The following GFRA2 variants were observed in gnomAD, a reference collection of about 807,000 sequenced individuals.
GFRA2 encodes GDNF family receptor alpha 2, also known as GDNF family receptor alpha-2.
A neutral mutation model predicts 48.3 loss-of-function variants in GFRA2; 17 were observed. The ratio of observed to expected loss-of-function variants is 0.35; its 90% confidence interval spans 0.24 to 0.53. The LOEUF is 0.53. Among genes scored for constraint, GFRA2 ranks in the 20% least tolerant of loss-of-function variants. The pLI, the probability that GFRA2 is intolerant of heterozygous loss-of-function variation, is 0.93. For missense variants in GFRA2, 660 were observed against 637.3 expected (o/e 1.04, Z -0.38); for synonymous variants, 305 against 257.2 (o/e 1.19, Z -1.78).
rs184033921 is a variant in GFRA2 at position 21,727,805 on chromosome 8, A to G, written c.795-21764T>C. Among the ~76,000 whole-genome samples, 199 of 152,326 alleles carry G rather than the reference A, an allele frequency of 1.3e-3. 3 individuals are homozygous for G. In the East Asian group the frequency reaches 0.024, roughly 18 times the overall value. On this transcript the variant is annotated intron_variant, in intron 4 of 8. Coordinates refer to ENST00000524240, the MANE Select transcript of GFRA2 (RefSeq NM_001495.5). ...CCGCAATGACAGCCCATGTCCAGGG[A>G]CTGTCTGGATTCACGGAAAATACTT...
intron 8 of GFRA2, among the ~76,000 whole-genome samples, chr8:21,694,077 T>TTATATATATATATATATATATATA (rs1161900689): frequency 9.1e-6 from 1 of 109,294 alleles, no homozygotes; most frequent in Non-Finnish European, 2.0e-5. Flanking sequence ...TTATTTATTT[T>TTATATATATATATATATATATATA]TATATATATA....
rs984825726 is a variant in GFRA2, at chr8:21,802,298, C to G, written c.-36+2719G>C. Among the ~76,000 whole-genome samples, 21 of 152,304 alleles carry G rather than the reference C, an allele frequency of 1.4e-4. No individual in the cohort carries two copies. In the South Asian group the frequency reaches 3.7e-3, roughly 27 times the overall value. ...CATGACTGGTGACTCACTCCACCAGCCTTAAAGCACCTACTATGTTCCAGG... is the reference window on the plus strand; with the variant it reads ...CATGACTGGTGACTCACTCCACCAGGCTTAAAGCACCTACTATGTTCCAGG... On this transcript the variant is annotated intron_variant, in intron 2 of 10. Coordinates refer to the GFRA2 transcript ENST00000517328.
chr8:21,732,132 G>A (rs1258807215), intron 4 of GFRA2, among the ~76,000 whole-genome samples: 1 of 152,280 alleles, frequency 6.6e-6, no homozygotes, highest in Non-Finnish European at 1.5e-5. Flanking sequence ...GAACATGGTA[G>A]ACAAGGAAGC....
At position 21,705,941 on chromosome 8, in the gene GFRA2, C is replaced by T; in HGVS notation, c.895G>A (p.Gly299Ser). The T allele has an allele frequency of 6.4e-7, 1 of 1,558,550 alleles. No homozygotes were observed. Among genetic ancestry groups the T allele is most frequent in the Non-Finnish European group, 8.7e-7 (1 of 1,149,434 alleles). ...AGCAGGAAGAGCTTACCAATCATGC[C>T]AGCATAAGAGCCCAGACACGCCTGG... ...NYQACLGSYA[G>S]MIGFDMTPNY... is the part of the protein sequence containing the mutation. The change falls in exon 5 of 9, where the codon GGC becomes AGC. Residue 299 changes from glycine to serine, a missense_variant. Physicochemically the swap from Gly to Ser is moderately conservative, Grantham distance 56 (BLOSUM62 0). Transcript: ENST00000524240.
At chr8:21,752,458 AC>A (rs1290189626) in intron 3 of GFRA2, among the ~76,000 whole-genome samples, 1 of 151,240 alleles carries the variant, frequency 6.6e-6, no homozygotes, top group African/African-American at 2.4e-5. Context: ...GCTCCCTGCC[AC>A]CTCCCCACAG....
chr8:21,699,850 AC>A (rs1198854233), intron 7 of GFRA2, among the ~76,000 whole-genome samples: 1 of 152,062 alleles, frequency 6.6e-6, no homozygotes, highest in Admixed American at 6.5e-5. Flanking sequence ...TGAACAAAGC[AC>A]CCACTCCATG....
upstream of GFRA2, among the ~76,000 whole-genome samples, chr8:21,789,590 AT>A (rs1807478759): frequency 3.3e-5 from 5 of 152,124 alleles, no homozygotes; most frequent in South Asian, 1.0e-3. Context: ...GAAAGGAATT[AT>A]CCCCTTCGGC....
At position 21,753,007 on chromosome 8, in the gene GFRA2, C is replaced by A. The variant is rs117154573; in HGVS notation, c.440-2065G>T. On this transcript the variant is annotated intron_variant, in intron 3 of 8. Transcript: ENST00000524240. ...TCCTGCTTTGCCCTGTGCCCCCATA[C>A]CCCACCCCATGACAATCTTCTCTCA... Among the ~76,000 whole-genome samples the A allele has an allele frequency of 7.2e-5, 11 of 152,256 alleles. No homozygotes were observed. The East Asian group carries it at 2.1e-3, about 29-fold the overall frequency.
At chr8:21,780,976 A>G (rs1055542439) in intron 2 of GFRA2, 1 of 152,128 alleles carries the variant, frequency 6.6e-6, no homozygotes. Flanking sequence ...ATATTTAAAA[A>G]TTAGCTGGGT....
rs771567502 is a variant in GFRA2 at position 21,694,548 on chromosome 8, G to C, written c.1219-31C>G. ...AGAGAGAAGGTGCCAGTCAGGACGA[G>C]TCACCAGGCTGTTCCTGGCTGGGCT... On this transcript the variant is annotated intron_variant, in intron 7 of 8. Coordinates refer to ENST00000524240, the MANE Select transcript of GFRA2 (RefSeq NM_001495.5). 1.9e-6 allele frequency: 3 copies of C among 1,598,956 alleles called. No homozygotes were observed. In the Admixed American group the frequency reaches 5.1e-5, roughly 27 times the overall value.
intron 1 of GFRA2, among the ~76,000 whole-genome samples, chr8:21,808,907 A>G (rs1371240332): frequency 6.6e-6 from 1 of 152,266 alleles, no homozygotes; most frequent in Non-Finnish European, 1.5e-5. Flanking sequence ...TTACAGTACA[A>G]TTGCAAAGTG....
intron 4 of GFRA2, among the ~76,000 whole-genome samples, chr8:21,742,123 G>T (rs1290893941): frequency 6.6e-6 from 1 of 152,128 alleles, no homozygotes; most frequent in Non-Finnish European, 1.5e-5. Context: ...AGCCAAACAG[G>T]CTTGATGGAG....
intron 1 of GFRA2, among the ~76,000 whole-genome samples, chr8:21,783,599 C>T (rs1246811133): frequency 1.3e-5 from 2 of 152,004 alleles, no homozygotes; most frequent in East Asian, 1.9e-4. Flanking sequence ...ACCGTCCAGG[C>T]GAGCCCAGGA....
intron 2 of GFRA2, among the ~76,000 whole-genome samples, chr8:21,796,609 C>A (rs1050759169): frequency 6.6e-6 from 1 of 152,074 alleles, no homozygotes; most frequent in Non-Finnish European, 1.5e-5. Context: ...AGAGTTTGGC[C>A]AGATGAGCAC....
intron 4 of GFRA2, among the ~76,000 whole-genome samples, chr8:21,726,897 C>T (rs1477818984): frequency 2.0e-5 from 3 of 151,784 alleles, no homozygotes; most frequent in South Asian, 2.1e-4. Flanking sequence ...GGACTACAAG[C>T]GCGCACCACC....
In GFRA2 at chr8:21,782,676, G is replaced by T; in HGVS notation, c.264C>A (p.Ser88Arg). 1.3e-6 allele frequency: 2 copies of T among 1,588,664 alleles called. No homozygotes were observed. Among genetic ancestry groups the T allele is most frequent in the Non-Finnish European group, 8.6e-7 (1 of 1,168,188 alleles). Residue 88 changes from serine (S) to arginine (R), a missense_variant, in exon 2 of 9, where the codon AGC becomes AGA. Physicochemically the swap from Ser to Arg is moderately radical, Grantham distance 110. Coordinates refer to ENST00000524240, the MANE Select transcript of GFRA2 (RefSeq NM_001495.5). ...GCTTGCAGCGGCAGTCGTACAGCGG[G>T]CTCTCCTGCAAGACCTCCAAGGCCG... ...CQAALEVLQE[S>R]PLYDCRCKRG...
At chr8:21,726,423 A>C (rs920839596) in intron 4 of GFRA2, among the ~76,000 whole-genome samples, 2 of 152,220 alleles carry the variant, frequency 1.3e-5, no homozygotes, top group African/African-American at 4.8e-5. Context: ...CAGCTGTAAC[A>C]AATTACCACA....
intron 3 of GFRA2, among the ~76,000 whole-genome samples, chr8:21,751,865 A>G (rs970923456): frequency 6.6e-6 from 1 of 152,166 alleles, no homozygotes; most frequent in East Asian, 1.9e-4. Context: ...TAAAAGCGCA[A>G]GAGGAGGGCC....
At chr8:21,799,462 C>T (rs1482560663) in intron 2 of GFRA2, among the ~76,000 whole-genome samples, 1 of 152,148 alleles carries the variant, frequency 6.6e-6, no homozygotes. Flanking sequence ...TACCAAAGTG[C>T]TGGGATTACA....
Sources: allele counts gnomAD v4.1 joint callset (sites outside exome capture counted in the v4.1 genomes callset), GRCh38; gene constraint gnomAD v4.1.1; transcripts MANE v1.5; gene names NCBI Gene and HGNC (gene_info 2026-07-23, HGNC 2026-07-21).